ZBTB20: variants seen among roughly 807,000 people sequenced by gnomAD.
The protein encoded by ZBTB20 is zinc finger and BTB domain-containing protein 20.
In ZBTB20, 9 loss-of-function variants were observed where a neutral mutation model predicts 56.9. The ratio of observed to expected loss-of-function variants is 0.16; its 90% CI spans 0.10 to 0.28. The LOEUF (loss-of-function observed/expected upper bound fraction) is 0.28. Among genes scored for constraint, ZBTB20 ranks in the 10% least tolerant of loss-of-function variants. The probability of loss-of-function intolerance (pLI) is 1.00; values close to 1 mark genes in which losing one functional copy is unlikely to be tolerated. For missense variants in ZBTB20, 655 were observed against 1,003.0 expected, an observed-to-expected ratio of 0.65 and a Z score of 4.69; for synonymous variants, 417 against 420.7, an observed-to-expected ratio of 0.99 and a Z score of 0.11.
intron 1 of ZBTB20, among the ~76,000 whole-genome samples, chr3:115,136,706 G>C (rs370667566): frequency 4.6e-5 from 7 of 152,100 alleles, no homozygotes; most frequent in African/African-American, 1.2e-4. Flanking sequence ...TTGGTAATTC[G>C]CTTAACAACA....
intron 5 of ZBTB20, among the ~76,000 whole-genome samples, chr3:114,725,669 GT>G (rs1169892798): frequency 1.3e-5 from 2 of 152,186 alleles, no homozygotes; most frequent in Non-Finnish European, 2.9e-5. Context: ...CCAGAAATGT[GT>G]TTAGAGTTTC....
intron 2 of ZBTB20, among the ~76,000 whole-genome samples, chr3:115,031,491 A>G (rs1460212102): frequency 2.0e-5 from 3 of 151,444 alleles, no homozygotes; most frequent in Non-Finnish European, 3.0e-5. Context: ...TGCTTGATAT[A>G]ATTCAAAGTT....
intron 4 of ZBTB20, among the ~76,000 whole-genome samples, chr3:114,896,791 C>CA (rs1220318611): frequency 1.3e-5 from 2 of 151,974 alleles, no homozygotes; most frequent in East Asian, 3.9e-4. Context: ...TTCCCAAATA[C>CA]AAAAATTTGG....
At chr3:114,603,272 T>G (rs903642884) in intron 6 of ZBTB20, among the ~76,000 whole-genome samples, 2 of 152,014 alleles carry the variant, frequency 1.3e-5, no homozygotes, top group African/African-American at 2.4e-5. Flanking sequence ...TGTATTCTAC[T>G]GGCAGAAAGA....
At chr3:115,094,613 A>G (rs1402029444) in intron 1 of ZBTB20, among the ~76,000 whole-genome samples, 1 of 151,486 alleles carries the variant, frequency 6.6e-6, no homozygotes, top group Non-Finnish European at 1.5e-5. Flanking sequence ...TCTCTCAATT[A>G]CATTCCATTT....
intron 4 of ZBTB20, among the ~76,000 whole-genome samples, chr3:114,842,393 T>C (rs1443617921): frequency 9.9e-5 from 15 of 152,274 alleles, no homozygotes; most frequent in South Asian, 4.2e-4. Flanking sequence ...GCTTCCAACC[T>C]CCCTCATCTC....
intron 3 of ZBTB20, among the ~76,000 whole-genome samples, chr3:114,955,954 T>A (rs189144902): frequency 2.6e-5 from 4 of 152,250 alleles, no homozygotes; most frequent in Admixed American, 6.5e-5. Context: ...ATTGTTTAAA[T>A]CTAAAGTTTG....
intron 5 of ZBTB20, among the ~76,000 whole-genome samples, chr3:114,794,175 T>C (rs899144548): frequency 6.6e-6 from 1 of 152,096 alleles, no homozygotes; most frequent in African/African-American, 2.4e-5. Flanking sequence ...AAAATGGGAA[T>C]GGTTCCTACT....
At chr3:114,378,564 T>C (rs1016741245) in intron 10 of ZBTB20, among the ~76,000 whole-genome samples, 1 of 152,254 alleles carries the variant, frequency 6.6e-6, no homozygotes, top group Non-Finnish European at 1.5e-5. Flanking sequence ...CCAATGCTTT[T>C]TCTATTCACA....
At position 114,315,968 on chromosome 3, in the gene ZBTB20, G is replaced by GT. The variant is rs750791691; in HGVS notation, c.*23036dup. The GT allele has an allele frequency of 1.7e-3, 255 of 148,314 alleles. No individual in the cohort carries two copies. Among genetic ancestry groups the GT allele is most frequent in the African/African-American group, 3.4e-3 (136 of 40,034 alleles). 9.2% of individuals were successfully genotyped at this position (148,314 alleles called of 1,614,324 possible). ...TTCAAAAAAGGTTTTTTGTTTTTTT[G>GT]TTTTTTTTTTCAGTTTTTATTTCAA... is the stretch of plus-strand genomic sequence containing the variant. On this transcript the variant is annotated 3_prime_UTR_variant, in exon 12 of 12. Coordinates refer to ENST00000675478, the MANE Select transcript of ZBTB20 (RefSeq NM_001348800.3).
At chr3:114,829,798 CT>C (rs1160317925) in intron 4 of ZBTB20, among the ~76,000 whole-genome samples, 2 of 151,824 alleles carry the variant, frequency 1.3e-5, no homozygotes, top group African/African-American at 4.8e-5. Context: ...TCCCCAGTTC[CT>C]AATCTAGTGT....
At position 114,532,404 on chromosome 3, in the gene ZBTB20, C is replaced by T. The variant is rs183616703; in HGVS notation, c.-294-32013G>A. Among the ~76,000 whole-genome samples the T allele has an allele frequency of 7.4e-4, 112 of 152,292 alleles. No individual in the cohort carries two copies. In the East Asian group the frequency reaches 0.02, roughly 28 times the overall value. ...AAACTGGGTGGAGCCCACCACAGTT[C>T]GGCAAAGCCACTGTAGAAAGACTGC... On this transcript the variant is annotated intron_variant, in intron 6 of 11. Coordinates refer to ENST00000675478, the MANE Select transcript of ZBTB20 (RefSeq NM_001348800.3).
intron 3 of ZBTB20, among the ~76,000 whole-genome samples, chr3:114,936,982 G>C (rs1337056735): frequency 6.6e-6 from 1 of 152,204 alleles, no homozygotes; most frequent in Non-Finnish European, 1.5e-5. Flanking sequence ...GGAAGCATTT[G>C]GTAGGAAGAG....
rs551856744 is a variant in ZBTB20, at chr3:114,657,533, T to C, written c.-295+35995A>G. On this transcript the variant is annotated intron_variant, in intron 6 of 11. Transcript: ENST00000675478. ...AATGTTAGGGTAACTTATATGTAGA[T>C]TCATGGGAGCCTTCCCTCGATGGCT... is the stretch of plus-strand genomic sequence containing the variant. Among the ~76,000 whole-genome samples, 10 of 152,334 alleles carry C rather than the reference T, an allele frequency of 6.6e-5. No homozygotes were observed. In the East Asian group the frequency reaches 1.9e-3, roughly 29 times the overall value.
At chr3:114,560,488 G>A (rs1455106075) in intron 6 of ZBTB20, among the ~76,000 whole-genome samples, 1 of 152,104 alleles carries the variant, frequency 6.6e-6, no homozygotes, top group Non-Finnish European at 1.5e-5. Flanking sequence ...AGTCAGATGA[G>A]GGGTTATTTA....
At chr3:114,572,583 T>G (rs939784401) in intron 6 of ZBTB20, among the ~76,000 whole-genome samples, 2 of 151,894 alleles carry the variant, frequency 1.3e-5, no homozygotes, top group Non-Finnish European at 2.9e-5. Context: ...GGAGAGAGAG[T>G]AGTTCATTCT....
intron 2 of ZBTB20, among the ~76,000 whole-genome samples, chr3:115,020,897 T>C (rs1279812964): frequency 6.6e-6 from 1 of 150,948 alleles, no homozygotes; most frequent in Non-Finnish European, 1.5e-5. Context: ...AGAAATTTCT[T>C]TTAATACCAC....
intron 2 of ZBTB20, among the ~76,000 whole-genome samples, chr3:115,013,554 A>C (rs1397896637): frequency 6.6e-6 from 1 of 151,722 alleles, no homozygotes. Context: ...TCTCTTAGCA[A>C]ATAAAAGCCC....
chr3:115,001,135 A>C (rs929998495), intron 2 of ZBTB20, among the ~76,000 whole-genome samples: 1 of 151,106 alleles, frequency 6.6e-6, no homozygotes, highest in African/African-American at 2.4e-5. Context: ...AAAGGAGCCT[A>C]TATTTCAAAC....
Sources: gnomAD v4.1 joint callset for allele counts (sites outside exome capture counted in the v4.1 genomes callset) on GRCh38, gnomAD v4.1.1 for gene constraint, MANE v1.5 for transcripts, NCBI Gene and HGNC (gene_info 2026-07-23, HGNC 2026-07-21) for gene names.